Variants in DENND1A observed in about 807,000 individuals in gnomAD.
DENND1A encodes DENN domain-containing protein 1A.
Under a neutral mutation model 113.7 loss-of-function variants are expected in DENND1A, and 51 were observed. The ratio of observed to expected loss-of-function variants is 0.45; its 90% CI spans 0.36 to 0.57. DENND1A has a LOEUF of 0.57. Among genes scored for constraint, DENND1A ranks in the 20% least tolerant of loss-of-function variants. The probability of loss-of-function intolerance (pLI) is 0.00; values close to 1 mark genes in which losing one functional copy is unlikely to be tolerated. For synonymous variants in DENND1A, 565 were observed against 570.8 expected (o/e 0.99, Z 0.14); for missense variants, 1,258 against 1,395.9 (o/e 0.90, Z 1.57).
intron 9 of DENND1A, among the ~76,000 whole-genome samples, chr9:123,650,818 A>T (rs937342465): frequency 4.6e-5 from 7 of 150,678 alleles, no homozygotes; most frequent in Non-Finnish European, 8.8e-5. Flanking sequence ...GAAGCAAGAG[A>T]ATTACTTGTA....
rs2067992208 is a variant in DENND1A at position 123,729,393 on chromosome 9, T to C, written c.302+28310A>G. ...GTCTCAGCTCAAAATCTCCTTAAGC[T>C]GATAAGCAACTTCAGCAAAGTCTCA... On this transcript the variant is annotated intron_variant, in intron 5 of 23. Coordinates refer to ENST00000394215, the MANE Select transcript of DENND1A (RefSeq NM_001352964.2). Among the ~76,000 whole-genome samples the C allele has an allele frequency of 2.0e-5, 3 of 152,212 alleles. No individual in the cohort carries two copies. In the South Asian group the frequency reaches 6.2e-4, roughly 31 times the overall value.
chr9:123,700,017 A>T (rs1165928900), intron 5 of DENND1A, among the ~76,000 whole-genome samples: 1 of 152,074 alleles, frequency 6.6e-6, no homozygotes, highest in Non-Finnish European at 1.5e-5. Context: ...ATTTTTTAAC[A>T]GACTACCCTT....
At chr9:123,637,008 G>T (rs994561681) in intron 9 of DENND1A, among the ~76,000 whole-genome samples, 2 of 152,140 alleles carry the variant, frequency 1.3e-5, no homozygotes, top group African/African-American at 4.8e-5. Flanking sequence ...TTAACAAATT[G>T]CAATTGCCTA....
chr9:123,455,469 C>G (rs1053658839), intron 15 of DENND1A, among the ~76,000 whole-genome samples: 1 of 152,244 alleles, frequency 6.6e-6, no homozygotes, highest in Non-Finnish European at 1.5e-5. Context: ...ATGCCGCTCC[C>G]TTGCCTAGTC....
At chr9:123,751,912 C>G (rs928776362) in intron 5 of DENND1A, 2 of 152,294 alleles carry the variant, frequency 1.3e-5, no homozygotes, top group African/African-American at 4.8e-5. Flanking sequence ...CTTTGAAGAA[C>G]CTTACACATA....
chr9:123,389,233 G>A (rs2042719950), intron 21 of DENND1A, among the ~76,000 whole-genome samples: 5 of 152,226 alleles, frequency 3.3e-5, no homozygotes, highest in Admixed American at 3.3e-4. Context: ...ACATCAGAAC[G>A]CTCACTTCCT....
At chr9:123,660,431 T>G (rs1301649357) in intron 8 of DENND1A, among the ~76,000 whole-genome samples, 1 of 151,566 alleles carries the variant, frequency 6.6e-6, no homozygotes, top group Non-Finnish European at 1.5e-5. Context: ...AGACAGGCTT[T>G]GGAGGTAAGG....
chr9:123,570,644 A>AG (rs2058304729), intron 12 of DENND1A, among the ~76,000 whole-genome samples: 2 of 152,238 alleles, frequency 1.3e-5, no homozygotes, highest in South Asian at 4.1e-4. Flanking sequence ...CCCAATATAA[A>AG]GCCTAGCACA....
chr9:123,806,288 C>T (rs1835551770), intron 2 of DENND1A, among the ~76,000 whole-genome samples: 1 of 151,842 alleles, frequency 6.6e-6, no homozygotes, highest in African/African-American at 2.4e-5. Flanking sequence ...CAGAGTCTCG[C>T]TCTGTCACCG....
chr9:123,796,768 C>A (rs1300798134), intron 2 of DENND1A, among the ~76,000 whole-genome samples: 2 of 150,006 alleles, frequency 1.3e-5, no homozygotes, highest in Non-Finnish European at 3.0e-5. Flanking sequence ...CACACACACA[C>A]ACACACACAC....
chr9:123,744,770 C>CTTTT lies in DENND1A; in HGVS notation c.302+12929_302+12932dup, dbSNP rs57945475. ...CCAATATTCTTTACTTATATTAGCT[C>CTTTT]TTTTTTTTTTTTTTTTTTTTTTGAC... is the stretch of plus-strand genomic sequence containing the variant. On this transcript the variant is annotated intron_variant, in intron 5 of 23. Transcript: ENST00000394215. Among the ~76,000 whole-genome samples, 70 of 102,700 alleles carry CTTTT rather than the reference C, an allele frequency of 6.8e-4. 2 individuals are homozygous for CTTTT. Among genetic ancestry groups the CTTTT allele is most frequent in the African/African-American group, 2.4e-3 (64 of 26,774 alleles). 67.4% of individuals were successfully genotyped at this position (102,700 alleles called of 152,430 possible).
intron 1 of DENND1A, among the ~76,000 whole-genome samples, chr9:123,920,558 T>G (rs921548492): frequency 1.3e-5 from 2 of 152,042 alleles, no homozygotes; most frequent in Non-Finnish European, 2.9e-5. Flanking sequence ...AAAGGGAACA[T>G]TAAGTGGTTT....
intron 21 of DENND1A, among the ~76,000 whole-genome samples, chr9:123,399,147 C>T (rs991005304): frequency 1.3e-5 from 2 of 152,040 alleles, no homozygotes; most frequent in African/African-American, 4.8e-5. Context: ...TGCTCACTGC[C>T]GTAGCCGTCG....
rs756219752 is a variant in DENND1A at position 123,381,846 on chromosome 9, C to G, written c.2799G>C (p.Leu933=). The change falls in exon 24 of 24, where the codon CTG becomes CTC. Residue 933 remains leucine (L), a synonymous_variant. Coordinates refer to ENST00000394215, the MANE Select transcript of DENND1A (RefSeq NM_001352964.2). The surrounding 1 kb of genome is among the most constrained non-coding windows in gnomAD (Gnocchi z 4.7). ...LGPAFASGLL[L]SSAGFCAPHR... ...GAGGGGCACAGAAGCCAGCACTGGA[C>G]AGCAGGAGGCCGGACGCAAAAGCCG... 7.4e-6 allele frequency: 11 copies of G among 1,481,028 alleles called. No individual in the cohort carries two copies. In the South Asian group the frequency reaches 9.5e-5, roughly 13 times the overall value. The allele number at this position is 1,481,028 out of a possible 1,614,324, so 91.7% of individuals were successfully genotyped here. A position where few individuals can be genotyped will look rare whatever the true frequency, so the allele number is the denominator to read the frequency against.
intron 3 of DENND1A, among the ~76,000 whole-genome samples, chr9:123,780,196 G>A (rs575540355): frequency 2.0e-5 from 3 of 152,188 alleles, no homozygotes; most frequent in South Asian, 2.1e-4. Flanking sequence ...CACATGTTCC[G>A]GACCCCAGGA....
intron 13 of DENND1A, among the ~76,000 whole-genome samples, chr9:123,550,496 T>C (rs2056973949): frequency 6.6e-6 from 1 of 152,154 alleles, no homozygotes; most frequent in South Asian, 2.1e-4. Flanking sequence ...TAACCTAACA[T>C]ATACCAAGGA....
intron 12 of DENND1A, among the ~76,000 whole-genome samples, chr9:123,563,864 C>T (rs1006193116): frequency 6.6e-6 from 1 of 152,116 alleles, no homozygotes. Flanking sequence ...CATTCGCAAA[C>T]CTGGGATATT....
At chr9:123,444,997 G>A (rs752774071) in intron 18 of DENND1A, among the ~76,000 whole-genome samples, 37 of 152,182 alleles carry the variant, frequency 2.4e-4, no homozygotes, top group Non-Finnish European at 5.0e-4. Flanking sequence ...GAGTTACGGG[G>A]GTCCTGCCAG....
chr9:123,805,636 G>C (rs967292337), intron 2 of DENND1A, among the ~76,000 whole-genome samples: 5 of 152,036 alleles, frequency 3.3e-5, no homozygotes, highest in Non-Finnish European at 5.9e-5. Context: ...GTTTCATCGT[G>C]TTGGCCAGGC....
Sources: allele counts gnomAD v4.1 joint callset (sites outside exome capture counted in the v4.1 genomes callset), GRCh38; gene constraint gnomAD v4.1.1; non-coding constraint Gnocchi (gnomAD v3.1); transcripts MANE v1.5; gene names NCBI Gene and HGNC (gene_info 2026-07-23, HGNC 2026-07-21).